Variants in PLA2G4E observed in about 807,000 individuals in gnomAD.
PLA2G4E encodes the protein cytosolic phospholipase A2 epsilon.
Under a neutral mutation model 109.1 loss-of-function variants are expected in PLA2G4E, and 84 were observed. That is an observed-to-expected ratio of 0.77 (90% CI 0.65 to 0.92). The LOEUF (loss-of-function observed/expected upper bound fraction) is 0.92. Ranked by LOEUF, PLA2G4E falls within the 40% of genes least tolerant of loss-of-function variation. The pLI, the probability that PLA2G4E is intolerant of heterozygous loss-of-function variation, is 0.00. For synonymous variants in PLA2G4E, 469 were observed against 436.1 expected (o/e 1.08, Z -0.94); for missense variants, 1,057 against 1,076.6 (o/e 0.98, Z 0.25).
intron 1 of PLA2G4E, among the ~76,000 whole-genome samples, chr15:42,043,005 T>A (rs1342071064): frequency 1.3e-5 from 2 of 152,202 alleles, no homozygotes; most frequent in Non-Finnish European, 2.9e-5. Flanking sequence ...TTGACCTTGG[T>A]GTAAGAAAGA....
chr15:42,010,649 T>C (rs1481561356), intron 2 of PLA2G4E, among the ~76,000 whole-genome samples: 1 of 152,208 alleles, frequency 6.6e-6, no homozygotes, highest in African/African-American at 2.4e-5. Context: ...GTGGCAGAGA[T>C]GACTCAATCA....
chr15:42,001,074 G>A, intron 7 of PLA2G4E, 83 bp downstream of exon 7: 1 of 1,407,854 alleles, frequency 7.1e-7, no homozygotes, highest in Non-Finnish European at 1.0e-6. Flanking sequence ...GGAAGCCCTG[G>A]ACTAGGTGGA....
At chr15:42,032,897 T>C (rs60848933) in intron 1 of PLA2G4E, among the ~76,000 whole-genome samples, 1 of 152,042 alleles carries the variant, frequency 6.6e-6, no homozygotes, top group Non-Finnish European at 1.5e-5. Flanking sequence ...AAAACAGAAT[T>C]TGTGGCCTGT....
chr15:42,050,680 G>A (rs1217982227), exon 1 of PLA2G4E: 1 of 1,550,302 alleles, frequency 6.5e-7, no homozygotes, highest in Non-Finnish European at 8.7e-7. Context: ...GGCCAGGACA[G>A]CCTTCCGAGG....
intron 2 of PLA2G4E, among the ~76,000 whole-genome samples, chr15:42,008,808 G>A (rs989297542): frequency 6.6e-6 from 1 of 152,238 alleles, no homozygotes; most frequent in African/African-American, 2.4e-5. Context: ...AGGAAATGGT[G>A]AAAGCCAGCA....
In PLA2G4E at chr15:42,039,641, AT is replaced by A. The variant is rs778059821; in HGVS notation, c.183+10879del. On this transcript the variant is annotated intron_variant, in intron 1 of 19. Coordinates refer to ENST00000399518, the Ensembl canonical transcript of PLA2G4E. ...GATTATAAAGATAAATAAGTAAAAA[AT>A]ATTAATTTTTCTATAAAAATCATAG... Among the ~76,000 whole-genome samples the A allele has an allele frequency of 1.6e-4, 25 of 152,164 alleles. 1 individual carries two copies. Among genetic ancestry groups the A allele is most frequent in the Non-Finnish European group, 3.4e-4 (23 of 68,016 alleles).
chr15:42,020,085 G>A lies in PLA2G4E; in HGVS notation c.184-6328C>T, dbSNP rs113929114. Among the ~76,000 whole-genome samples, 660 of 152,366 alleles carry A rather than the reference G, an allele frequency of 4.3e-3. 3 individuals carry two copies. Among genetic ancestry groups the A allele is most frequent in the African/African-American group, 0.015 (628 of 41,586 alleles). On this transcript the variant is annotated intron_variant, in intron 1 of 19. Coordinates refer to ENST00000399518, the Ensembl canonical transcript of PLA2G4E. ...CCAGGAGGCAGTGTCTACCTGGCTG[G>A]GCAGCAGGGGCATTGGCCACCACCC...
chr15:42,032,281 T>A (rs7179219), intron 1 of PLA2G4E, among the ~76,000 whole-genome samples: 31,763 of 152,204 alleles, frequency 0.21, 3,508 homozygotes, highest in South Asian at 0.36. Context: ...ACTGGTGCTC[T>A]ATGTTTTGAC....
intron 1 of PLA2G4E, among the ~76,000 whole-genome samples, chr15:42,016,230 T>C (rs1346417682): frequency 6.6e-6 from 1 of 151,614 alleles, no homozygotes; most frequent in East Asian, 1.9e-4. Context: ...GAGACCATCT[T>C]TTTATCTTTA....
At position 41,999,513 on chromosome 15, in the gene PLA2G4E, G is replaced by A. The variant is rs74010958; in HGVS notation, c.974+11C>T. 3.0e-3 allele frequency: 4,693 copies of A among 1,579,496 alleles called. 131 individuals are homozygous for A. The African/African-American group carries it at 0.055, about 18-fold the overall frequency. On this transcript the variant is annotated intron_variant, in intron 10 of 19. Transcript: ENST00000399518. ...TAAGTGAGAGGCACGGACAGAATGCGGGTACTATACCAGGGTGTAGACTTC... is the reference window on the plus strand; with the variant it reads ...TAAGTGAGAGGCACGGACAGAATGCAGGTACTATACCAGGGTGTAGACTTC...
chr15:42,049,766 G>C lies in PLA2G4E; in HGVS notation c.183+755C>G, dbSNP rs1403411496. Among the ~76,000 whole-genome samples the C allele has an allele frequency of 2.6e-5, 4 of 152,148 alleles. No individual in the cohort carries two copies. In the East Asian group the frequency reaches 5.8e-4, roughly 22 times the overall value. On this transcript the variant is annotated intron_variant, in intron 1 of 19. Coordinates refer to ENST00000399518, the Ensembl canonical transcript of PLA2G4E. ...GCTCACTCCCTGCAGAGCTCAGTCT[G>C]GTGCCACCGCTAAGACCATAGCAGC...
At chr15:42,017,731 C>T (rs750705504) in intron 1 of PLA2G4E, among the ~76,000 whole-genome samples, 13 of 152,188 alleles carry the variant, frequency 8.5e-5, no homozygotes, top group Non-Finnish European at 1.5e-4. Flanking sequence ...TTTCACTCAG[C>T]GCTCCCCCAA....
rs780367302 is a variant in PLA2G4E at position 41,992,713 on chromosome 15, G to A, written c.1470+24C>T. ...CAGGCATCAGCCAGGGCAGGGTGGG[G>A]CCCAGGAGAAGCCGAGCACCTACCT... is the stretch of plus-strand genomic sequence containing the variant. On this transcript the variant is annotated intron_variant, in intron 13 of 19. Transcript: ENST00000399518. 11 of 1,606,046 alleles carry A rather than the reference G, an allele frequency of 6.8e-6. No homozygotes were observed. In the South Asian group the frequency reaches 9.9e-5, roughly 14 times the overall value.
intron 1 of PLA2G4E, chr15:42,050,473 G>A: frequency 3.3e-6 from 5 of 1,515,784 alleles, no homozygotes; most frequent in South Asian, 2.5e-5. Flanking sequence ...AGGAAAGTGA[G>A]GTTAAAATTT....
At chr15:42,026,633 G>A (rs374782270) in intron 1 of PLA2G4E, among the ~76,000 whole-genome samples, 32 of 152,316 alleles carry the variant, frequency 2.1e-4, no homozygotes, top group Admixed American at 1.0e-3. Context: ...TCGTCACTTA[G>A]TCAAAGTAAG....
At position 41,992,729 on chromosome 15, in the gene PLA2G4E, G is replaced by A; in HGVS notation, c.1470+8C>T. ...CAGGGTGGGGCCCAGGAGAAGCCGA[G>A]CACCTACCTCGTCCCCCAGGCAGGT... is the stretch of plus-strand genomic sequence containing the variant. On this transcript the variant is annotated splice_region_variant and intron_variant, in intron 13 of 19. Coordinates refer to ENST00000399518, the Ensembl canonical transcript of PLA2G4E. 6.2e-7 allele frequency: 1 copy of A among 1,609,914 alleles called. No homozygotes were observed. Among genetic ancestry groups the A allele is most frequent in the African/African-American group, 1.3e-5 (1 of 74,956 alleles).
At chr15:41,984,361 G>A in intron 19 of PLA2G4E, 75 bp downstream of exon 19, 2 of 1,457,722 alleles carry the variant, frequency 1.4e-6, no homozygotes, top group Admixed American at 2.0e-5. Flanking sequence ...AGTGCCCTTA[G>A]AGACTCTACA....
chr15:41,987,742 C>T (rs2068166646), intron 16 of PLA2G4E, among the ~76,000 whole-genome samples: 1 of 152,164 alleles, frequency 6.6e-6, no homozygotes, highest in Admixed American at 6.5e-5. Context: ...AGTCACCCTC[C>T]CCTCCAGGCA....
At chr15:42,003,146 A>G (rs1462119883) in intron 5 of PLA2G4E, among the ~76,000 whole-genome samples, 1 of 152,248 alleles carries the variant, frequency 6.6e-6, no homozygotes, top group Admixed American at 6.5e-5. Context: ...TGAATGTTAA[A>G]TGCCCTTGTG....
Sources: allele counts gnomAD v4.1 joint callset (sites outside exome capture counted in the v4.1 genomes callset), GRCh38; gene constraint gnomAD v4.1.1; transcripts MANE v1.5; gene names NCBI Gene and HGNC (gene_info 2026-07-23, HGNC 2026-07-21).